The following PRTG variants were observed in gnomAD, a reference collection of about 807,000 sequenced individuals.
PRTG encodes the protein protogenin, also known as immunoglobulin superfamily, DCC subclass, member 5.
Under a neutral mutation model 122.5 loss-of-function variants are expected in PRTG, and 67 were observed. That is an observed-to-expected ratio of 0.55 (90% CI 0.45 to 0.67). The LOEUF is 0.67. Ranked by LOEUF, PRTG falls within the 30% of genes least tolerant of loss-of-function variation. PRTG has a pLI of 0.00. For missense variants in PRTG, 1,435 were observed against 1,415.4 expected (o/e 1.01, Z -0.22); for synonymous variants, 554 against 501.1 (o/e 1.11, Z -1.41).
intron 2 of PRTG, 90 bp downstream of exon 2, chr15:55,740,292 A>C (rs2031566054): frequency 1.6e-6 from 2 of 1,244,720 alleles, no homozygotes; most frequent in Admixed American, 4.7e-5. Flanking sequence ...TAATGCATGC[A>C]TGATTCGGGG....
At position 55,624,406 on chromosome 15, in the gene PRTG, C is replaced by G; in HGVS notation, c.3029G>C (p.Gly1010Ala). Reference protein sequence around the residue: ...SGNEVGKNLEGAVGNEESLMP... With the variant: ...SGNEVGKNLEAAVGNEESLMP... Reference sequence around the variant, plus strand: ...TAAAGATTCTTCATTTCCTACAGCTCCTTCCAGGTTCTTTCCTACCTCATT... The same window carrying G: ...TAAAGATTCTTCATTTCCTACAGCTGCTTCCAGGTTCTTTCCTACCTCATT... The change falls in exon 18 of 20, where the codon GGA becomes GCA. Residue 1010 changes from glycine to alanine, a missense_variant. Physicochemically the swap from Gly to Ala is moderately conservative, Grantham distance 60. Coordinates refer to ENST00000389286, the MANE Select transcript of PRTG (RefSeq NM_173814.6). The G allele has an allele frequency of 9.9e-6, 16 of 1,614,006 alleles. No homozygotes were observed. The highest frequency in any genetic ancestry group is 1.3e-5 in the Non-Finnish European group (15 of 1,179,944).
Position 55,624,346 on chromosome 15 carries a change from G to C in PRTG, c.3089C>G (p.Ala1030Gly). The C allele has an allele frequency of 6.2e-7, 1 of 1,613,806 alleles. No individual in the cohort carries two copies. The highest frequency in any genetic ancestry group is 8.5e-7 in the Non-Finnish European group (1 of 1,179,868). Residue 1030 changes from alanine (A) to glycine (G), a missense_variant, in exon 18 of 20, where the codon GCA becomes GGA. Coordinates refer to ENST00000389286, the MANE Select transcript of PRTG (RefSeq NM_173814.6). ...GCAAATCCCGCAGCTCAGTACCTTTGCATCAATGAAGCTGTTTGGCATGAT... is the reference window on the plus strand; with the variant it reads ...GCAAATCCCGCAGCTCAGTACCTTTCCATCAATGAAGCTGTTTGGCATGAT... ...PMIMPNSFID[A>G]KGGTDLIINS...
At position 55,736,807 on chromosome 15, in the gene PRTG, T is replaced by C. The variant is rs191989473; in HGVS notation, c.397+3575A>G. ...AATATAAGCTAGCTTTATGTTCTTT[T>C]TCCCTCTATCCTAAGACTTCAGTTT... is the stretch of plus-strand genomic sequence containing the variant. On this transcript the variant is annotated intron_variant, in intron 2 of 19. Coordinates refer to ENST00000389286, the MANE Select transcript of PRTG (RefSeq NM_173814.6). Among the ~76,000 whole-genome samples the C allele has an allele frequency of 4.9e-3, 750 of 152,312 alleles. 4 individuals carry two copies. Among genetic ancestry groups the C allele is most frequent in the Non-Finnish European group, 6.2e-3 (425 of 68,026 alleles).
chr15:55,723,392 T>TA (rs74974276), intron 2 of PRTG, among the ~76,000 whole-genome samples: 13,565 of 103,842 alleles, frequency 0.13, 805 homozygotes, highest in Middle Eastern at 0.24. Flanking sequence ...TATAATGATC[T>TA]AAAAAAAAAA....
At chr15:55,686,746 A>G (rs1434663852) in intron 2 of PRTG, among the ~76,000 whole-genome samples, 2 of 152,228 alleles carry the variant, frequency 1.3e-5, no homozygotes, top group Non-Finnish European at 2.9e-5. Context: ...ATGTTTCACT[A>G]ACACTGAGCT....
At chr15:55,710,839 C>A (rs2141853886) in intron 2 of PRTG, among the ~76,000 whole-genome samples, 1 of 152,196 alleles carries the variant, frequency 6.6e-6, no homozygotes, top group East Asian at 1.9e-4. Context: ...AAAGTGAAAT[C>A]TTGTACCTGC....
At position 55,691,549 on chromosome 15, in the gene PRTG, C is replaced by T. The variant is rs138182162; in HGVS notation, c.398-7618G>A. Reference sequence around the variant, plus strand: ...CACAAAAATTAGCCGGGCATGGTGGCGTACGCCTGTAGTCCCAGCTACTCA... The same window carrying T: ...CACAAAAATTAGCCGGGCATGGTGGTGTACGCCTGTAGTCCCAGCTACTCA... On this transcript the variant is annotated intron_variant, in intron 2 of 19. Transcript: ENST00000389286. Among the ~76,000 whole-genome samples, 1,453 of 151,562 alleles carry T rather than the reference C, an allele frequency of 9.6e-3. 18 individuals are homozygous for T. Among genetic ancestry groups the T allele is most frequent in the Non-Finnish European group, 0.011 (738 of 67,912 alleles).
At chr15:55,708,419 C>A (rs1272535510) in intron 2 of PRTG, among the ~76,000 whole-genome samples, 1 of 151,786 alleles carries the variant, frequency 6.6e-6, no homozygotes, top group African/African-American at 2.4e-5. Context: ...CCAGCCTGGC[C>A]AAGATGGTGA....
intron 11 of PRTG, among the ~76,000 whole-genome samples, chr15:55,658,316 ATTTT>A (rs869204396): frequency 6.8e-6 from 1 of 147,342 alleles, no homozygotes. Context: ...TATTGTTTTT[ATTTT>A]TTTTTTTTTT....
chr15:55,734,153 C>G (rs565244086), intron 2 of PRTG, among the ~76,000 whole-genome samples: 87 of 152,188 alleles, frequency 5.7e-4, no homozygotes, highest in Non-Finnish European at 1.1e-3. Flanking sequence ...AGAAAATTAT[C>G]TGGCCCAAAA....
At chr15:55,722,855 C>A (rs1295705054) in intron 2 of PRTG, among the ~76,000 whole-genome samples, 1 of 152,136 alleles carries the variant, frequency 6.6e-6, no homozygotes, top group African/African-American at 2.4e-5. Context: ...GAATTAAGAG[C>A]CTCCAGGAAG....
At chr15:55,662,864 C>T (rs776438134) in intron 11 of PRTG, among the ~76,000 whole-genome samples, 14 of 152,190 alleles carry the variant, frequency 9.2e-5, no homozygotes, top group Non-Finnish European at 1.6e-4. Context: ...GCCAGAGAGA[C>T]GCTGGTCCAC....
chr15:55,660,779 T>C (rs758765506), intron 11 of PRTG, among the ~76,000 whole-genome samples: 5 of 152,202 alleles, frequency 3.3e-5, no homozygotes, highest in East Asian at 1.9e-4. Context: ...ATAAATTTAG[T>C]AGCTAAACCT....
rs769469226 is a variant in PRTG, at chr15:55,723,752, CTTTTTT to C, written c.397+16624_397+16629del. ...TAATAGCCATATTCTTTTCTTTTTT[CTTTTTT>C]TTTTTTTTTTTGAGTTGGAGTCTCG... On this transcript the variant is annotated intron_variant, in intron 2 of 19. Coordinates refer to ENST00000389286, the MANE Select transcript of PRTG (RefSeq NM_173814.6). Among the ~76,000 whole-genome samples, 224 of 127,108 alleles carry C rather than the reference CTTTTTT, an allele frequency of 1.8e-3. 1 individual carries two copies. The highest frequency in any genetic ancestry group is 4.4e-3 in the Middle Eastern group (1 of 226). The allele number at this position is 127,108 out of a possible 152,430, so 83.4% of individuals were successfully genotyped here. A position where few individuals can be genotyped will look rare whatever the true frequency, so the allele number is the denominator to read the frequency against.
chr15:55,714,201 A>ATCTCTC (rs1357049500), intron 2 of PRTG, among the ~76,000 whole-genome samples: 3 of 75,862 alleles, frequency 4.0e-5, no homozygotes, highest in Admixed American at 2.7e-4. Context: ...CTATCTATTT[A>ATCTCTC]TCTGTCTCTC....
chr15:55,695,421 G>C (rs1235376802), intron 2 of PRTG, among the ~76,000 whole-genome samples: 1 of 152,166 alleles, frequency 6.6e-6, no homozygotes, highest in Admixed American at 6.5e-5. Context: ...TTTTAAAACT[G>C]CAGAGAAAAT....
chr15:55,627,268 G>C, intron 16 of PRTG, 140 bp from the exon 17 acceptor site: 1 of 451,110 alleles, frequency 2.2e-6, no homozygotes, highest in Admixed American at 4.0e-5. Flanking sequence ...AAGCAGAAAG[G>C]ACACACAGTA....
Position 55,613,716 on chromosome 15 carries a change from G to C in PRTG, c.*6296C>G, listed in dbSNP as rs1333690976. The C allele has an allele frequency of 6.7e-6, 1 of 150,322 alleles. No homozygotes were observed. Among genetic ancestry groups the C allele is most frequent in the Non-Finnish European group, 1.5e-5 (1 of 67,698 alleles). The allele number at this position is 150,322 out of a possible 1,614,324, so 9.3% of individuals were successfully genotyped here. ...ATACAAGGAAAAAACAGTTGTATCT[G>C]GTCACACTATGGAAGGCACTATGAC... is the stretch of plus-strand genomic sequence containing the variant. On this transcript the variant is annotated 3_prime_UTR_variant, in exon 20 of 20. Transcript: ENST00000389286.
At chr15:55,702,647 T>C (rs2141842588) in intron 2 of PRTG, among the ~76,000 whole-genome samples, 1 of 152,360 alleles carries the variant, frequency 6.6e-6, no homozygotes, top group East Asian at 1.9e-4. Flanking sequence ...AATGGATCTA[T>C]GTTCCAGTTC....
Sources: gnomAD v4.1 joint callset for allele counts (sites outside exome capture counted in the v4.1 genomes callset) on GRCh38, gnomAD v4.1.1 for gene constraint, MANE v1.5 for transcripts, NCBI Gene and HGNC (gene_info 2026-07-23, HGNC 2026-07-21) for gene names.